Variants in CCDC178 observed in about 807,000 individuals in gnomAD.
CCDC178 encodes coiled-coil domain containing 178, also known as coiled-coil domain-containing protein 178.
CCDC178 carries 126 observed loss-of-function variants against 117.4 expected under a neutral mutation model. The observed-to-expected ratio is 1.07, with a 90% CI of 0.93 to 1.24. The LOEUF is 1.24. CCDC178 is among the 50% of genes most tolerant of loss of function. CCDC178 has a pLI of 0.00. For missense variants in CCDC178, 1,030 were observed against 986.9 expected, an observed-to-expected ratio of 1.04 and a Z score of -0.59; for synonymous variants, 283 against 313.4, an observed-to-expected ratio of 0.90 and a Z score of 1.02.
intron 21 of CCDC178, among the ~76,000 whole-genome samples, chr18:32,978,203 A>ATTTTTTTTTTTTTTTT (rs34863142): frequency 2.2e-5 from 2 of 90,022 alleles, no homozygotes; most frequent in African/African-American, 8.1e-5. Flanking sequence ...CTCAAAAAAG[A>ATTTTTTTTTTTTTTTT]TTTTTTTTTT....
At chr18:33,175,774 C>A (rs1319319509) in intron 20 of CCDC178, among the ~76,000 whole-genome samples, 2 of 152,092 alleles carry the variant, frequency 1.3e-5, no homozygotes, top group African/African-American at 4.8e-5. Context: ...GGCAGTGACA[C>A]CCCTGTCTCT....
intron 21 of CCDC178, among the ~76,000 whole-genome samples, chr18:33,083,526 C>T (rs960057066): frequency 2.6e-5 from 4 of 152,112 alleles, no homozygotes; most frequent in Non-Finnish European, 5.9e-5. Flanking sequence ...AAATGCTATC[C>T]TGTTGTTTTC....
chr18:32,963,893 A>G (rs1300045132), intron 22 of CCDC178, among the ~76,000 whole-genome samples: 1 of 152,018 alleles, frequency 6.6e-6, no homozygotes, highest in African/African-American at 2.4e-5. Flanking sequence ...AAATTAATTG[A>G]TATTTTTCAA....
At chr18:33,207,917 C>T (rs2059064763) in intron 20 of CCDC178, among the ~76,000 whole-genome samples, 1 of 151,838 alleles carries the variant, frequency 6.6e-6, no homozygotes, top group African/African-American at 2.4e-5. Flanking sequence ...ATATCCACGC[C>T]CCATCCTTCC....
At chr18:33,282,574 A>G (rs1169153782) in intron 12 of CCDC178, among the ~76,000 whole-genome samples, 3 of 151,978 alleles carry the variant, frequency 2.0e-5, no homozygotes, top group African/African-American at 7.3e-5. Context: ...GGTAAACCAT[A>G]CCTAAGAAAT....
At chr18:33,034,800 A>G (rs1369463029) in intron 21 of CCDC178, among the ~76,000 whole-genome samples, 4 of 151,976 alleles carry the variant, frequency 2.6e-5, no homozygotes, top group African/African-American at 9.7e-5. Flanking sequence ...TAGTTCCTCA[A>G]TATGTATAAA....
intron 10 of CCDC178, among the ~76,000 whole-genome samples, chr18:33,330,574 G>T (rs1471119941): frequency 6.6e-6 from 1 of 152,126 alleles, no homozygotes; most frequent in African/African-American, 2.4e-5. Flanking sequence ...TGCATTAATG[G>T]TGACCATATT....
chr18:33,059,956 A>T (rs550553765), intron 21 of CCDC178, among the ~76,000 whole-genome samples: 1 of 152,224 alleles, frequency 6.6e-6, no homozygotes, highest in African/African-American at 2.4e-5. Context: ...TCTCCTTTCC[A>T]AACTCTTTGG....
chr18:33,078,735 T>A (rs892452693), intron 21 of CCDC178, among the ~76,000 whole-genome samples: 1 of 151,958 alleles, frequency 6.6e-6, no homozygotes, highest in Admixed American at 6.6e-5. Context: ...GGAGGTGAAA[T>A]ATCTCTACAA....
At chr18:33,115,767 C>G (rs188599468) in intron 20 of CCDC178, among the ~76,000 whole-genome samples, 2 of 152,024 alleles carry the variant, frequency 1.3e-5, no homozygotes, top group Non-Finnish European at 2.9e-5. Context: ...TGCTCCTGCA[C>G]ATTCTGAGTC....
At chr18:33,115,001 G>A (rs2057835209) in intron 20 of CCDC178, among the ~76,000 whole-genome samples, 1 of 152,038 alleles carries the variant, frequency 6.6e-6, no homozygotes, top group African/African-American at 2.4e-5. Context: ...CAGGTAGATT[G>A]AATAGAGGTA....
rs77845927 is a variant in CCDC178 at position 33,001,335 on chromosome 18, C to T, written c.2389-26654G>A. On this transcript the variant is annotated intron_variant, in intron 21 of 22. Coordinates refer to ENST00000383096, the MANE Select transcript of CCDC178 (RefSeq NM_001105528.4). ...GAGATTGAGACAATCCTAGCTAACA[C>T]AGTGAAACCCCTACTAAAATACAAA... 5.5e-3 allele frequency among the ~76,000 whole-genome samples: 833 copies of T among 152,034 alleles called. 18 individuals carry two copies. The highest frequency in any genetic ancestry group is 0.042 in the East Asian group (214 of 5,132).
At chr18:32,983,498 C>A in intron 21 of CCDC178, 1 of 545,610 alleles carries the variant, frequency 1.8e-6, no homozygotes, top group Non-Finnish European at 3.2e-6. Context: ...GAAAAAAATG[C>A]TGTATCCTGT....
At chr18:33,326,842 T>C (rs1216618224) in intron 10 of CCDC178, among the ~76,000 whole-genome samples, 2 of 151,950 alleles carry the variant, frequency 1.3e-5, no homozygotes, top group Non-Finnish European at 2.9e-5. Flanking sequence ...TCCCAGGTAT[T>C]GGGTTGTGCA....
intron 18 of CCDC178, among the ~76,000 whole-genome samples, chr18:33,220,458 T>G (rs2059218297): frequency 6.6e-6 from 1 of 152,090 alleles, no homozygotes. Flanking sequence ...AAACTGGCCC[T>G]TGCTTTTTGG....
At chr18:33,005,769 T>G (rs2055734460) in intron 21 of CCDC178, among the ~76,000 whole-genome samples, 1 of 151,954 alleles carries the variant, frequency 6.6e-6, no homozygotes, top group South Asian at 2.1e-4. Context: ...AAACTCAAAA[T>G]AAGTAGATGC....
chr18:32,995,966 C>CAT (rs2144755470), intron 21 of CCDC178, among the ~76,000 whole-genome samples: 1 of 139,264 alleles, frequency 7.2e-6, no homozygotes, highest in African/African-American at 2.6e-5. Flanking sequence ...TCTATATTTA[C>CAT]ATATATATAT....
At chr18:33,246,516 C>T (rs964653309) in intron 14 of CCDC178, among the ~76,000 whole-genome samples, 22 of 151,688 alleles carry the variant, frequency 1.5e-4, no homozygotes, top group African/African-American at 5.3e-4. Context: ...CCTTCATTTT[C>T]ACCTATTCCA....
intron 21 of CCDC178, among the ~76,000 whole-genome samples, chr18:33,035,871 G>A (rs1219394502): frequency 2.6e-5 from 4 of 151,830 alleles, no homozygotes; most frequent in Non-Finnish European, 5.9e-5. Context: ...ATAAAGCCAA[G>A]TCTTTAAAAA....
Sources: gnomAD v4.1 joint callset for allele counts (sites outside exome capture counted in the v4.1 genomes callset) on GRCh38, gnomAD v4.1.1 for gene constraint, MANE v1.5 for transcripts, NCBI Gene and HGNC (gene_info 2026-07-23, HGNC 2026-07-21) for gene names.